The following IRAG2 variants were observed in gnomAD, a reference collection of about 807,000 sequenced individuals.
The protein encoded by IRAG2 is inositol 1,4,5-triphosphate receptor associated 2.
In IRAG2, 45 loss-of-function variants were observed where a neutral mutation model predicts 69.9. That is an observed-to-expected ratio of 0.64 (90% CI 0.51 to 0.83). The LOEUF (loss-of-function observed/expected upper bound fraction) is 0.83. Ranked by LOEUF, IRAG2 falls within the 40% of genes least tolerant of loss-of-function variation. The probability of loss-of-function intolerance (pLI) is 0.00; values close to 1 mark genes in which losing one functional copy is unlikely to be tolerated. For missense variants in IRAG2, 520 were observed against 587.0 expected, an observed-to-expected ratio of 0.89 and a Z score of 1.18; for synonymous variants, 193 against 202.4, an observed-to-expected ratio of 0.95 and a Z score of 0.40.
chr12:25,035,038 T>C (rs2139852258), intron 13 of IRAG2, among the ~76,000 whole-genome samples: 1 of 152,272 alleles, frequency 6.6e-6, no homozygotes, highest in South Asian at 2.1e-4. Flanking sequence ...GCCCAGAAAG[T>C]TCTATAGTTC....
intron 9 of IRAG2, among the ~76,000 whole-genome samples, chr12:25,080,684 G>T (rs1683163): frequency 1.3e-5 from 2 of 151,912 alleles, no homozygotes; most frequent in African/African-American, 4.8e-5. Flanking sequence ...TTAACTCGAC[G>T]TTTAAGTTTG....
intron 13 of IRAG2, 49 bp downstream of exon 13, chr12:25,089,839 CACCT>C (rs755888793): frequency 1.3e-6 from 2 of 1,577,872 alleles, no homozygotes; most frequent in Non-Finnish European, 1.7e-6. Context: ...GTTCCAGACT[CACCT>C]GCTACAGTCA....
In IRAG2 at chr12:25,009,178, C is replaced by G. The variant is rs150435561; in HGVS notation, c.689-2166C>G. ...AAAATTAGCTAGGCATGGTGGCACACGCCTGTAATCCCAGCTACTCAGGAG... is the reference window on the plus strand; with the variant it reads ...AAAATTAGCTAGGCATGGTGGCACAGGCCTGTAATCCCAGCTACTCAGGAG... On this transcript the variant is annotated intron_variant, in intron 2 of 38. Coordinates refer to the IRAG2 transcript ENST00000636465. Among the ~76,000 whole-genome samples, 214 of 152,102 alleles carry G rather than the reference C, an allele frequency of 1.4e-3. 3 individuals are homozygous for G. The highest frequency in any genetic ancestry group is 4.9e-3 in the African/African-American group (202 of 41,484).
chr12:25,036,386 G>C (rs1487165916), intron 14 of IRAG2, among the ~76,000 whole-genome samples: 9 of 152,140 alleles, frequency 5.9e-5, no homozygotes, highest in Non-Finnish European at 1.3e-4. Context: ...TATTCAACAT[G>C]TATAGAGCAC....
upstream of IRAG2, among the ~76,000 whole-genome samples, chr12:25,001,445 C>T (rs185345808): frequency 2.0e-5 from 3 of 151,190 alleles, no homozygotes; most frequent in South Asian, 2.1e-4. Context: ...GACCCTGTCT[C>T]GAAAATAAAT....
At chr12:25,059,267 G>GA (rs1415079656) in intron 1 of IRAG2, among the ~76,000 whole-genome samples, 1 of 118,112 alleles carries the variant, frequency 8.5e-6, no homozygotes, top group Non-Finnish European at 2.1e-5. Context: ...AGTTAAGACA[G>GA]AATTTTTTAA....
chr12:25,090,728 A>G (rs1281873639), intron 14 of IRAG2: 14 of 385,068 alleles, frequency 3.6e-5, no homozygotes, highest in Non-Finnish European at 6.2e-5. Context: ...TTTCACTAAT[A>G]GGAGAGTATC....
chr12:25,082,123 G>T (rs1044677652), intron 9 of IRAG2, among the ~76,000 whole-genome samples: 3 of 151,972 alleles, frequency 2.0e-5, no homozygotes, highest in Non-Finnish European at 4.4e-5. Context: ...CAAAGAAAAA[G>T]TTTTTATGTA....
At position 25,096,924 on chromosome 12, in the gene IRAG2, G is replaced by T. The variant is rs1204290933; in HGVS notation, c.621G>T (p.Leu207=). 1 of 1,612,886 alleles carries T rather than the reference G, an allele frequency of 6.2e-7. No individual in the cohort carries two copies. Among genetic ancestry groups the T allele is most frequent in the African/African-American group, 1.3e-5 (1 of 74,842 alleles). The change falls in exon 15 of 22, where the codon CTG becomes CTT. Residue 207 remains leucine, a synonymous_variant. Transcript: ENST00000556887. ...TTTCTATACAGTCTTTAACACCTCTGTGTGAAGATGACAACCAGGCACAGG... is the reference window on the plus strand; with the variant it reads ...TTTCTATACAGTCTTTAACACCTCTTTGTGAAGATGACAACCAGGCACAGG... The part of the protein sequence containing the change: ...CLKLLESLTP[L]CEDDNQAQEI...
intron 16 of IRAG2, chr12:25,038,153 A>G (rs561302945): frequency 1.3e-5 from 5 of 398,750 alleles, no homozygotes; most frequent in East Asian, 1.1e-4. Context: ...GATCATTTAT[A>G]TATAAGAAAT....
chr12:25,094,079 T>A (rs1360758958), intron 14 of IRAG2, among the ~76,000 whole-genome samples: 1 of 131,444 alleles, frequency 7.6e-6, no homozygotes, highest in Non-Finnish European at 1.6e-5. Flanking sequence ...ATAAAGACTT[T>A]TAAGTCTGAT....
chr12:25,025,168 G>A (rs1176976540), intron 8 of IRAG2, among the ~76,000 whole-genome samples: 1 of 152,184 alleles, frequency 6.6e-6, no homozygotes, highest in Non-Finnish European at 1.5e-5. Context: ...GAACTAGTAT[G>A]TTAGACGGTA....
At chr12:25,016,517 C>G (rs11047756) in intron 5 of IRAG2, among the ~76,000 whole-genome samples, 34,066 of 152,016 alleles carry the variant, frequency 0.22, 4,629 homozygotes, top group Non-Finnish European at 0.32. Flanking sequence ...AATCCCAGCA[C>G]TTTGGGAGGC....
upstream of IRAG2, chr12:25,052,131 GT>G (rs572405642): frequency 2.3e-5 from 9 of 391,730 alleles, 1 homozygote; most frequent in South Asian, 1.0e-3. Context: ...AGGAAGTGGT[GT>G]TAAGTTTGAG....
intron 16 of IRAG2, among the ~76,000 whole-genome samples, chr12:25,041,525 A>T (rs1425792914): frequency 6.6e-6 from 1 of 151,812 alleles, no homozygotes; most frequent in East Asian, 1.9e-4. Flanking sequence ...TTCATCACCC[A>T]GACTGGAGAG....
chr12:25,062,097 A>G (rs1945670022), intron 2 of IRAG2, among the ~76,000 whole-genome samples: 1 of 152,186 alleles, frequency 6.6e-6, no homozygotes, highest in African/African-American at 2.4e-5. Flanking sequence ...TGTATGGGTC[A>G]TCTCAAGATA....
Position 25,102,179 on chromosome 12 carries a change from AATGTGTTTT to A in IRAG2, c.890-18_890-10del. ...GCATGTGTAATAGCTAAAATGTGTC[AATGTGTTTT>A]TCCTTTCAGATGACTGCCAAATTAA... On this transcript the variant is annotated splice_polypyrimidine_tract_variant and intron_variant, in intron 16 of 21. Coordinates refer to ENST00000556887, the MANE Select transcript of IRAG2 (RefSeq NM_001366544.2). 1 of 1,608,966 alleles carries A rather than the reference AATGTGTTTT, an allele frequency of 6.2e-7. No homozygotes were observed. Among genetic ancestry groups the A allele is most frequent in the Non-Finnish European group, 8.5e-7 (1 of 1,175,792 alleles).
At chr12:25,105,071 GTTTTTTT>G (rs10583191) in intron 20 of IRAG2, among the ~76,000 whole-genome samples, 5 of 87,644 alleles carry the variant, frequency 5.7e-5, no homozygotes, top group Non-Finnish European at 8.7e-5. Flanking sequence ...CTTGGTCTCA[GTTTTTTT>G]TTTTTTTTTT....
At chr12:25,090,017 T>G (rs1947930260) in intron 13 of IRAG2, 40 bp from the exon 14 acceptor site, 1 of 1,600,406 alleles carries the variant, frequency 6.2e-7, no homozygotes, top group Admixed American at 1.7e-5. Context: ...ACATCCGGTT[T>G]TCTCTCCTCT....
Sources: allele counts gnomAD v4.1 joint callset (sites outside exome capture counted in the v4.1 genomes callset), GRCh38; gene constraint gnomAD v4.1.1; transcripts MANE v1.5; gene names NCBI Gene and HGNC (gene_info 2026-07-23, HGNC 2026-07-21).